Variants in ATP10A observed in about 807,000 individuals in gnomAD.
The protein encoded by ATP10A is phospholipid-transporting ATPase VA.
In ATP10A, 111 loss-of-function variants were observed where a neutral mutation model predicts 147.8. The ratio of observed to expected loss-of-function variants is 0.75; its 90% confidence interval spans 0.64 to 0.88. The LOEUF is 0.88. ATP10A is among the 40% of genes least tolerant of loss of function. The pLI is 0.00. For missense variants in ATP10A, 1,927 were observed against 1,959.0 expected, an observed-to-expected ratio of 0.98 and a Z score of 0.31; for synonymous variants, 875 against 841.6, an observed-to-expected ratio of 1.04 and a Z score of -0.69.
At chr15:25,723,018 C>T (rs1380413223) in intron 6 of ATP10A, among the ~76,000 whole-genome samples, 3 of 152,158 alleles carry the variant, frequency 2.0e-5, no homozygotes, top group African/African-American at 7.2e-5. Context: ...TATGGAAGGA[C>T]TAGTGGGATC....
intron 20 of ATP10A, 46 bp downstream of exon 20, chr15:25,680,075 T>C: frequency 6.3e-7 from 1 of 1,599,830 alleles, no homozygotes; most frequent in Non-Finnish European, 8.5e-7. Flanking sequence ...CAATGTCGTC[T>C]GGGCTCACTC....
At chr15:25,723,676 C>G (rs1315248065) in intron 6 of ATP10A, among the ~76,000 whole-genome samples, 1 of 151,834 alleles carries the variant, frequency 6.6e-6, no homozygotes, top group Non-Finnish European at 1.5e-5. Flanking sequence ...GCACAAGAAC[C>G]TTAAGAACAG....
chr15:25,803,877 C>T (rs1326612098), intron 1 of ATP10A, among the ~76,000 whole-genome samples: 2 of 152,234 alleles, frequency 1.3e-5, no homozygotes, highest in Admixed American at 6.5e-5. Context: ...CTGGCACGCA[C>T]GTGCTGCTGC....
intron 2 of ATP10A, 121 bp from the exon 3 acceptor site, chr15:25,736,262 T>C (rs1887273577): frequency 4.0e-6 from 3 of 743,688 alleles, no homozygotes; most frequent in Non-Finnish European, 4.7e-6. Flanking sequence ...GAACTCTGCC[T>C]ATGAATCTCT....
chr15:25,845,921 G>A (rs1293154360), intron 1 of ATP10A, among the ~76,000 whole-genome samples: 1 of 152,252 alleles, frequency 6.6e-6, no homozygotes, highest in East Asian at 1.9e-4. Flanking sequence ...TCCCTTAACA[G>A]ATGAATGGAT....
At chr15:25,743,305 A>G (rs889064743) in intron 2 of ATP10A, among the ~76,000 whole-genome samples, 5 of 152,244 alleles carry the variant, frequency 3.3e-5, no homozygotes, top group African/African-American at 9.6e-5. Flanking sequence ...AAGCACAACC[A>G]GATCTGCTCA....
At chr15:25,727,039 A>C in intron 4 of ATP10A, 121 bp downstream of exon 4, 2 of 668,518 alleles carry the variant, frequency 3.0e-6, no homozygotes, top group Non-Finnish European at 2.4e-6. Context: ...CCTGGGCGAC[A>C]GTGCGAGACT....
chr15:25,842,072 G>A lies in ATP10A; in HGVS notation c.449+20576C>T, dbSNP rs548885087. Among the ~76,000 whole-genome samples the A allele has an allele frequency of 4.6e-5, 7 of 152,288 alleles. No homozygotes were observed. In the South Asian group the frequency reaches 1.2e-3, roughly 27 times the overall value. Reference sequence around the variant, plus strand: ...CCTGGGCCACCTGTTGCTGTTGTGTGGGTGGATGGGCAAAAGCCCCTGGGT... The same window carrying A: ...CCTGGGCCACCTGTTGCTGTTGTGTAGGTGGATGGGCAAAAGCCCCTGGGT... On this transcript the variant is annotated intron_variant, in intron 1 of 20. Transcript: ENST00000555815.
intron 16 of ATP10A, among the ~76,000 whole-genome samples, chr15:25,687,204 A>G (rs1899737444): frequency 4.3e-5 from 2 of 46,344 alleles, no homozygotes; most frequent in African/African-American, 4.3e-4. Flanking sequence ...CAGACCACAA[A>G]GCACACTTGT....
At chr15:25,770,126 G>C (rs955122322) in intron 2 of ATP10A, among the ~76,000 whole-genome samples, 5 of 152,140 alleles carry the variant, frequency 3.3e-5, no homozygotes, top group Admixed American at 2.6e-4. Context: ...AGCCAACTAC[G>C]AGGTGAGCAT....
intron 15 of ATP10A, 131 bp from the exon 16 acceptor site, chr15:25,687,959 G>C (rs1436031657): frequency 7.8e-7 from 1 of 1,287,200 alleles, no homozygotes; most frequent in Non-Finnish European, 1.1e-6. Flanking sequence ...AGCGTGGCCG[G>C]CCAGGGTCTC....
chr15:25,732,060 C>T (rs1401515457), intron 3 of ATP10A, among the ~76,000 whole-genome samples: 3 of 152,064 alleles, frequency 2.0e-5, no homozygotes, highest in Non-Finnish European at 4.4e-5. Flanking sequence ...TTTGTAGAGA[C>T]AAGGTCTCAC....
chr15:25,842,623 A>T (rs2140893426), intron 1 of ATP10A, among the ~76,000 whole-genome samples: 1 of 152,300 alleles, frequency 6.6e-6, no homozygotes. Flanking sequence ...TCATACTAGG[A>T]TGAATAGAAT....
intron 1 of ATP10A, among the ~76,000 whole-genome samples, chr15:25,851,921 T>C (rs1317482883): frequency 1.3e-5 from 2 of 152,150 alleles, no homozygotes; most frequent in Admixed American, 6.6e-5. Context: ...GTTTTAGAAA[T>C]TTAAAAAAAC....
intron 1 of ATP10A, among the ~76,000 whole-genome samples, chr15:25,783,701 G>A (rs1284156684): frequency 6.6e-6 from 1 of 152,244 alleles, no homozygotes; most frequent in Non-Finnish European, 1.5e-5. Context: ...TGCAAGGCAA[G>A]CTATCACCGC....
At chr15:25,684,242 C>T (rs1167200180) in intron 16 of ATP10A, among the ~76,000 whole-genome samples, 1 of 152,204 alleles carries the variant, frequency 6.6e-6, no homozygotes, top group Non-Finnish European at 1.5e-5. Flanking sequence ...CTCACTATTG[C>T]TAGATTCCTG....
intron 2 of ATP10A, among the ~76,000 whole-genome samples, chr15:25,753,766 T>C (rs2140593639): frequency 6.7e-6 from 1 of 148,514 alleles, no homozygotes; most frequent in South Asian, 2.1e-4. Context: ...TATATAGTTA[T>C]ATATATGATA....
At chr15:25,799,185 A>C (rs1028843449) in intron 1 of ATP10A, among the ~76,000 whole-genome samples, 3 of 152,148 alleles carry the variant, frequency 2.0e-5, no homozygotes, top group Admixed American at 6.5e-5. Context: ...CTTCGGTCAC[A>C]CAGACTTCCC....
chr15:25,781,309 A>G, intron 1 of ATP10A, 86 bp from the exon 2 acceptor site: 1 of 1,137,108 alleles, frequency 8.8e-7, no homozygotes, highest in Non-Finnish European at 1.3e-6. Flanking sequence ...CTCATATGGC[A>G]ATTCTTTCTA....
Sources: allele counts gnomAD v4.1 joint callset (sites outside exome capture counted in the v4.1 genomes callset), GRCh38; gene constraint gnomAD v4.1.1; transcripts MANE v1.5; gene names NCBI Gene and HGNC (gene_info 2026-07-23, HGNC 2026-07-21).